Variants in FSTL5 observed in about 807,000 individuals in gnomAD.
FSTL5 encodes the protein follistatin-related protein 5.
FSTL5 carries 62 observed loss-of-function variants against 89.1 expected under a neutral mutation model. The observed-to-expected ratio is 0.70, with a 90% CI of 0.57 to 0.86. The LOEUF (loss-of-function observed/expected upper bound fraction) is 0.86. FSTL5 is among the 40% of genes least tolerant of loss of function. FSTL5 has a pLI of 0.00. For synonymous variants in FSTL5, 383 were observed against 346.2 expected (o/e 1.11, Z -1.18); for missense variants, 1,057 against 1,001.6 (o/e 1.06, Z -0.75).
chr4:161,674,637 T>G (rs905623454), intron 6 of FSTL5, among the ~76,000 whole-genome samples: 22 of 152,188 alleles, frequency 1.4e-4, no homozygotes, highest in African/African-American at 5.3e-4. Flanking sequence ...TATGTCACAC[T>G]GCAAAGTGTC....
intron 4 of FSTL5, among the ~76,000 whole-genome samples, chr4:161,913,935 T>A (rs902569083): frequency 2.6e-5 from 4 of 152,114 alleles, no homozygotes; most frequent in African/African-American, 9.7e-5. Flanking sequence ...AGATGAGACT[T>A]TGGACTGTGG....
chr4:161,959,381 A>G (rs541777722), intron 3 of FSTL5, among the ~76,000 whole-genome samples: 5 of 152,100 alleles, frequency 3.3e-5, no homozygotes, highest in Non-Finnish European at 7.4e-5. Context: ...TAGTACCAAA[A>G]TAAAGTCTTA....
chr4:161,681,851 T>C (rs1737536508), intron 6 of FSTL5, among the ~76,000 whole-genome samples: 1 of 152,176 alleles, frequency 6.6e-6, no homozygotes, highest in Non-Finnish European at 1.5e-5. Context: ...GTGTTATGTT[T>C]AGTCATGTAT....
In FSTL5 at chr4:161,702,439, C is replaced by T. The variant is rs937754897; in HGVS notation, c.728-45945G>A. Among the ~76,000 whole-genome samples the T allele has an allele frequency of 2.0e-5, 3 of 152,216 alleles. No individual in the cohort carries two copies. In the East Asian group the frequency reaches 5.8e-4, roughly 29 times the overall value. On this transcript the variant is annotated intron_variant, in intron 6 of 15. Transcript: ENST00000306100. ...TAGGAGGTTTCCATAGATAATGGCA[C>T]ATTAATGGCCATTTATCTATTAGCA...
intron 4 of FSTL5, among the ~76,000 whole-genome samples, chr4:161,817,515 T>C (rs1198575918): frequency 1.3e-5 from 2 of 152,296 alleles, no homozygotes; most frequent in African/African-American, 2.4e-5. Flanking sequence ...CTCCTCAGGG[T>C]AAATAAAAAA....
At chr4:161,933,420 G>T (rs1234491037) in intron 3 of FSTL5, among the ~76,000 whole-genome samples, 1 of 152,028 alleles carries the variant, frequency 6.6e-6, no homozygotes, top group African/African-American at 2.4e-5. Flanking sequence ...TAAGATACAT[G>T]TCATGTGCTT....
chr4:161,709,593 G>T (rs1738705242), intron 6 of FSTL5, among the ~76,000 whole-genome samples: 1 of 152,014 alleles, frequency 6.6e-6, no homozygotes, highest in African/African-American at 2.4e-5. Flanking sequence ...TTAAATGCAG[G>T]AGTTCAAGGC....
chr4:162,040,241 G>A (rs892213527), intron 2 of FSTL5, among the ~76,000 whole-genome samples: 4 of 152,018 alleles, frequency 2.6e-5, no homozygotes, highest in African/African-American at 9.7e-5. Context: ...TGCTATAAGG[G>A]AGAAGTATAA....
Position 161,528,312 on chromosome 4 carries a change from A to C in FSTL5, c.1312+9854T>G, listed in dbSNP as rs1028405502. Among the ~76,000 whole-genome samples, 5 of 143,612 alleles carry C rather than the reference A, an allele frequency of 3.5e-5. 1 individual carries two copies. Among genetic ancestry groups the C allele is most frequent in the Admixed American group, 2.2e-4 (3 of 13,404 alleles). The allele number at this position is 143,612 out of a possible 152,430, so 94.2% of individuals were successfully genotyped here. ...AAGTATGATAATAATGAAATAAAAT[A>C]AAAATAAATAAATTTCACATTTAAC... On this transcript the variant is annotated intron_variant, in intron 10 of 15. Transcript: ENST00000306100.
At chr4:161,916,755 CAAT>C (rs1021869164) in intron 4 of FSTL5, among the ~76,000 whole-genome samples, 7 of 151,286 alleles carry the variant, frequency 4.6e-5, no homozygotes, top group African/African-American at 1.7e-4. Flanking sequence ...ATTTAAAAGT[CAAT>C]AATAATAAAA....
intron 3 of FSTL5, among the ~76,000 whole-genome samples, chr4:162,014,975 A>G (rs556113985): frequency 1.3e-5 from 2 of 152,190 alleles, no homozygotes; most frequent in Non-Finnish European, 2.9e-5. Context: ...TTGAGAAGAG[A>G]TAGTGGCTTG....
intron 3 of FSTL5, among the ~76,000 whole-genome samples, chr4:162,001,743 T>C (rs959043945): frequency 1.3e-5 from 2 of 152,194 alleles, no homozygotes; most frequent in Non-Finnish European, 2.9e-5. Flanking sequence ...GCCCAGGATT[T>C]TGTTTATGCC....
chr4:161,949,099 T>C (rs545423928), intron 3 of FSTL5, among the ~76,000 whole-genome samples: 17 of 152,270 alleles, frequency 1.1e-4, no homozygotes, highest in Non-Finnish European at 2.1e-4. Context: ...CTTCCCTTTC[T>C]TCAGCTTCCA....
chr4:161,612,377 T>C (rs1734684108), intron 7 of FSTL5, among the ~76,000 whole-genome samples: 1 of 152,184 alleles, frequency 6.6e-6, no homozygotes. Context: ...TGTTGTTCAG[T>C]CAAGGAAAAT....
At chr4:161,588,721 G>A (rs1005234701) in intron 7 of FSTL5, among the ~76,000 whole-genome samples, 5 of 152,084 alleles carry the variant, frequency 3.3e-5, no homozygotes, top group Non-Finnish European at 7.4e-5. Context: ...AAATTTATGT[G>A]GCATTTTAAC....
intron 2 of FSTL5, among the ~76,000 whole-genome samples, chr4:162,036,143 T>C (rs1432020941): frequency 1.3e-5 from 2 of 152,128 alleles, no homozygotes; most frequent in East Asian, 1.9e-4. Flanking sequence ...AGTCTCGTTC[T>C]ATTGCTAAGG....
intron 6 of FSTL5, among the ~76,000 whole-genome samples, chr4:161,681,684 A>G (rs1025687234): frequency 1.3e-5 from 2 of 152,148 alleles, no homozygotes; most frequent in African/African-American, 4.8e-5. Context: ...AATATAATCC[A>G]ATAGGGTATA....
intron 7 of FSTL5, among the ~76,000 whole-genome samples, chr4:161,599,688 T>C (rs577927923): frequency 2.0e-5 from 3 of 152,176 alleles, no homozygotes; most frequent in Admixed American, 1.3e-4. Context: ...ACAAGCCCTT[T>C]CCAAAGATCT....
chr4:161,757,722 G>A (rs1022497123), intron 6 of FSTL5, among the ~76,000 whole-genome samples: 8 of 152,000 alleles, frequency 5.3e-5, no homozygotes, highest in Non-Finnish European at 8.8e-5. Flanking sequence ...GGGTTCAACC[G>A]ATTCTCCTGC....
Sources: allele counts gnomAD v4.1 joint callset (sites outside exome capture counted in the v4.1 genomes callset), GRCh38; gene constraint gnomAD v4.1.1; transcripts MANE v1.5; gene names NCBI Gene and HGNC (gene_info 2026-07-23, HGNC 2026-07-21).